LNX1: variants seen among roughly 807,000 people sequenced by gnomAD.
The protein encoded by LNX1 is ligand of numb-protein X 1.
LNX1 carries 54 observed loss-of-function variants against 68.4 expected under a neutral mutation model. The ratio of observed to expected loss-of-function variants is 0.79; its 90% CI spans 0.63 to 0.99. The LOEUF (loss-of-function observed/expected upper bound fraction) is 0.99. Among genes scored for constraint, LNX1 ranks in the 50% least tolerant of loss-of-function variants. The probability of loss-of-function intolerance (pLI) is 0.00; values close to 1 mark genes in which losing one functional copy is unlikely to be tolerated. For missense variants in LNX1, 906 were observed against 926.4 expected, an observed-to-expected ratio of 0.98 and a Z score of 0.29; for synonymous variants, 336 against 350.0, an observed-to-expected ratio of 0.96 and a Z score of 0.45.
chr4:53,588,526 T>A (rs1345480548), intron 1 of LNX1, among the ~76,000 whole-genome samples: 3 of 152,162 alleles, frequency 2.0e-5, no homozygotes, highest in Non-Finnish European at 4.4e-5. Flanking sequence ...GCAGTAGCAT[T>A]GCCCCACCTA....
At chr4:53,597,455 C>T (rs912043846) in intron 2 of LNX1, among the ~76,000 whole-genome samples, 3 of 152,210 alleles carry the variant, frequency 2.0e-5, no homozygotes, top group African/African-American at 7.2e-5. Flanking sequence ...ACTCCCCTCA[C>T]CCCCATTTCC....
chr4:53,490,353 T>G (rs948120552), intron 6 of LNX1, among the ~76,000 whole-genome samples: 2 of 152,238 alleles, frequency 1.3e-5, no homozygotes, highest in Non-Finnish European at 2.9e-5. Context: ...AGCTGCCTCT[T>G]TCATACAGTT....
intron 6 of LNX1, among the ~76,000 whole-genome samples, chr4:53,488,855 C>T (rs577446609): frequency 3.9e-5 from 6 of 152,176 alleles, no homozygotes; most frequent in Non-Finnish European, 8.8e-5. Context: ...TCAGTCATTC[C>T]GGTTGATATG....
At chr4:53,468,602 A>T (rs539867532) in intron 9 of LNX1, among the ~76,000 whole-genome samples, 8 of 152,330 alleles carry the variant, frequency 5.3e-5, no homozygotes, top group African/African-American at 1.9e-4. Flanking sequence ...ACCCATCTCA[A>T]GTGCAGAGAC....
chr4:53,575,627 G>C (rs1731433906), intron 1 of LNX1: 1 of 1,318,586 alleles, frequency 7.6e-7, no homozygotes, highest in Non-Finnish European at 9.7e-7. Flanking sequence ...CCCGCTTTTG[G>C]CTGCATTGGC....
At chr4:53,650,280 G>A (rs1290008871) in intron 1 of LNX1, among the ~76,000 whole-genome samples, 5 of 152,208 alleles carry the variant, frequency 3.3e-5, no homozygotes, top group African/African-American at 1.2e-4. Flanking sequence ...TGCGGGGTGT[G>A]GAGGACATAC....
At chr4:53,512,029 T>C (rs1448855983) in intron 2 of LNX1, among the ~76,000 whole-genome samples, 6 of 152,196 alleles carry the variant, frequency 3.9e-5, no homozygotes, top group African/African-American at 1.4e-4. Flanking sequence ...TTGAGTCAAC[T>C]CTCACTTTGG....
intron 1 of LNX1, among the ~76,000 whole-genome samples, chr4:53,582,461 G>A (rs946729676): frequency 6.6e-6 from 1 of 152,210 alleles, no homozygotes; most frequent in Non-Finnish European, 1.5e-5. Flanking sequence ...GCCCAGTCAA[G>A]TAATAAAGAG....
At position 53,459,302 on chromosome 4, in the gene LNX1, T is replaced by C. The variant is rs1444267682; in HGVS notation, c.*1605A>G. Reference sequence around the variant, plus strand: ...CTTTTTTTTTTTTTTTTTTTTCCAGTAATAGTAGACGTCGCCATGAAAGTG... The same window carrying C: ...CTTTTTTTTTTTTTTTTTTTTCCAGCAATAGTAGACGTCGCCATGAAAGTG... On this transcript the variant is annotated 3_prime_UTR_variant, in exon 11 of 11. Transcript: ENST00000263925. 1 of 1,308,540 alleles carries C rather than the reference T, an allele frequency of 7.6e-7. No homozygotes were observed. The highest frequency in any genetic ancestry group is 2.3e-5 in the Admixed American group (1 of 44,026). The allele number at this position is 1,308,540 out of a possible 1,614,324, so 81.1% of individuals were successfully genotyped here.
chr4:53,467,004 C>T (rs2150561918), intron 9 of LNX1, among the ~76,000 whole-genome samples: 1 of 152,256 alleles, frequency 6.6e-6, no homozygotes, highest in East Asian at 1.9e-4. Context: ...AGTGGTTCTC[C>T]CAGCAAGCAG....
At chr4:53,613,918 C>G (rs1179939452) in intron 2 of LNX1, among the ~76,000 whole-genome samples, 1 of 152,212 alleles carries the variant, frequency 6.6e-6, no homozygotes, top group African/African-American at 2.4e-5. Context: ...AATTTACATT[C>G]CCACCAATGG....
At chr4:53,580,044 A>G (rs761193472) in intron 1 of LNX1, among the ~76,000 whole-genome samples, 11 of 152,216 alleles carry the variant, frequency 7.2e-5, no homozygotes, top group Non-Finnish European at 1.2e-4. Context: ...TAACCTTGTC[A>G]AAGATGAAAC....
At chr4:53,601,164 C>T (rs1350726329) in intron 2 of LNX1, among the ~76,000 whole-genome samples, 1 of 151,912 alleles carries the variant, frequency 6.6e-6, no homozygotes, top group Non-Finnish European at 1.5e-5. Context: ...AAATATATTC[C>T]ACTCAGTTTT....
intron 4 of LNX1, among the ~76,000 whole-genome samples, chr4:53,503,344 C>T (rs985471616): frequency 2.0e-5 from 3 of 152,132 alleles, no homozygotes; most frequent in Admixed American, 6.5e-5. Flanking sequence ...TATAGCCTTT[C>T]GAAATTTATT....
intron 2 of LNX1, among the ~76,000 whole-genome samples, chr4:53,537,391 T>C (rs895842121): frequency 5.3e-5 from 8 of 152,208 alleles, no homozygotes; most frequent in Non-Finnish European, 1.2e-4. Flanking sequence ...CTTCCCTCTG[T>C]CTAATCTAGT....
intron 1 of LNX1, among the ~76,000 whole-genome samples, chr4:53,582,349 T>C (rs573563493): frequency 2.0e-5 from 3 of 152,262 alleles, no homozygotes; most frequent in Non-Finnish European, 4.4e-5. Context: ...GAGGAATGAC[T>C]CGCTTCAAAG....
At chr4:53,614,850 G>C (rs1185443010) in intron 2 of LNX1, among the ~76,000 whole-genome samples, 1 of 151,956 alleles carries the variant, frequency 6.6e-6, no homozygotes, top group East Asian at 1.9e-4. Context: ...TTCAAAGGAG[G>C]CTCCAGGTGC....
At chr4:53,479,418 T>G (rs764080595) in intron 7 of LNX1, among the ~76,000 whole-genome samples, 2 of 152,244 alleles carry the variant, frequency 1.3e-5, no homozygotes, top group East Asian at 3.8e-4. Context: ...TGTTTAGTTG[T>G]GCACTGAGGG....
At chr4:53,476,535 C>T (rs1277736665) in intron 9 of LNX1, among the ~76,000 whole-genome samples, 1 of 152,168 alleles carries the variant, frequency 6.6e-6, no homozygotes, top group Non-Finnish European at 1.5e-5. Context: ...GAACGCCAAA[C>T]AGTATTTCCA....
Sources: allele counts gnomAD v4.1 joint callset (sites outside exome capture counted in the v4.1 genomes callset), GRCh38; gene constraint gnomAD v4.1.1; transcripts MANE v1.5; gene names NCBI Gene and HGNC (gene_info 2026-07-23, HGNC 2026-07-21).